HCN1: variants seen among roughly 807,000 people sequenced by gnomAD.
HCN1 encodes hyperpolarization activated cyclic nucleotide gated potassium channel 1, also known as potassium/sodium hyperpolarization-activated cyclic nucleotide-gated channel 1.
In HCN1, 13 loss-of-function variants were observed where a neutral mutation model predicts 78.9. The ratio of observed to expected loss-of-function variants is 0.16; its 90% CI spans 0.11 to 0.26. The LOEUF is 0.26. HCN1 is among the 10% of genes least tolerant of loss of function. The pLI is 1.00. For missense variants in HCN1, 810 were observed against 1,154.3 expected (o/e 0.70, Z 4.32); for synonymous variants, 552 against 455.5 (o/e 1.21, Z -2.70).
At chr5:45,617,420 C>T (rs993749298) in intron 2 of HCN1, 3 of 152,110 alleles carry the variant, frequency 2.0e-5, no homozygotes, top group African/African-American at 7.2e-5. Flanking sequence ...GTTCCACTGT[C>T]TTCCACGAGT....
At chr5:45,364,564 C>T (rs913969070) in intron 4 of HCN1, among the ~76,000 whole-genome samples, 10 of 152,064 alleles carry the variant, frequency 6.6e-5, no homozygotes, top group African/African-American at 2.4e-4. Flanking sequence ...CTTCCTTTTT[C>T]CTGCATGTCT....
intron 2 of HCN1, among the ~76,000 whole-genome samples, chr5:45,607,604 TAGATC>T (rs1399638865): frequency 6.7e-6 from 1 of 149,108 alleles, no homozygotes; most frequent in Non-Finnish European, 1.5e-5. Context: ...TATCTATAGA[TAGATC>T]CAGATATATC....
chr5:45,545,326 C>A (rs1322076333), intron 2 of HCN1, among the ~76,000 whole-genome samples: 3 of 152,000 alleles, frequency 2.0e-5, no homozygotes, highest in African/African-American at 4.8e-5. Context: ...TGTTTAAGTT[C>A]TTTGTAGATT....
At chr5:45,529,667 CT>C (rs1742801116) in intron 2 of HCN1, among the ~76,000 whole-genome samples, 1 of 151,860 alleles carries the variant, frequency 6.6e-6, no homozygotes, top group South Asian at 2.1e-4. Flanking sequence ...AAAGTACCCA[CT>C]TGAATTTAAA....
intron 6 of HCN1, among the ~76,000 whole-genome samples, chr5:45,297,095 C>T (rs2111894371): frequency 6.6e-6 from 1 of 152,078 alleles, no homozygotes; most frequent in Middle Eastern, 3.4e-3. Flanking sequence ...GATTTACCCA[C>T]ATATTTATTA....
intron 5 of HCN1, among the ~76,000 whole-genome samples, chr5:45,348,359 G>A (rs2111975709): frequency 6.6e-6 from 1 of 152,202 alleles, no homozygotes; most frequent in Non-Finnish European, 1.5e-5. Flanking sequence ...AAGAGCTCCT[G>A]AAGGAAGCAC....
chr5:45,340,082 C>T (rs555894256), intron 5 of HCN1, among the ~76,000 whole-genome samples: 5 of 152,120 alleles, frequency 3.3e-5, no homozygotes, highest in African/African-American at 7.2e-5. Context: ...CCACTCCCAG[C>T]TAATTTTTTT....
intron 1 of HCN1, among the ~76,000 whole-genome samples, chr5:45,667,128 C>A (rs974694774): frequency 2.0e-5 from 3 of 151,938 alleles, no homozygotes; most frequent in African/African-American, 7.2e-5. Context: ...ACTGGTCCTA[C>A]AAACCTCACC....
chr5:45,431,823 T>G (rs1740469550), intron 3 of HCN1, among the ~76,000 whole-genome samples: 1 of 152,160 alleles, frequency 6.6e-6, no homozygotes, highest in African/African-American at 2.4e-5. Context: ...ACCATACTGT[T>G]TTGGTTACTG....
rs146350054 is a variant in HCN1 at position 45,482,145 on chromosome 5, C to T, written c.850-20138G>A. On this transcript the variant is annotated intron_variant, in intron 2 of 7. Transcript: ENST00000303230. ...TCCACTATTATAAAAAACCTGGAAA[C>T]GATTAAACCAGAAAGAAGACAAAGG... 9.2e-5 allele frequency among the ~76,000 whole-genome samples: 14 copies of T among 152,130 alleles called. No homozygotes were observed. The South Asian group carries it at 1.9e-3, about 20-fold the overall frequency.
intron 2 of HCN1, among the ~76,000 whole-genome samples, chr5:45,502,663 A>G (rs1275828570): frequency 1.3e-5 from 2 of 152,200 alleles, no homozygotes; most frequent in African/African-American, 2.4e-5. Flanking sequence ...GCTACCTAAT[A>G]AAAATATTTG....
At chr5:45,444,447 T>C (rs2111576862) in intron 3 of HCN1, among the ~76,000 whole-genome samples, 1 of 152,254 alleles carries the variant, frequency 6.6e-6, no homozygotes, top group South Asian at 2.1e-4. Context: ...AATATTATTG[T>C]TTAGAATCTT....
chr5:45,597,586 A>G (rs979138665), intron 2 of HCN1, among the ~76,000 whole-genome samples: 3 of 152,158 alleles, frequency 2.0e-5, no homozygotes, highest in African/African-American at 7.2e-5. Flanking sequence ...AGGCAAGAGA[A>G]GGAAAGAAAG....
intron 1 of HCN1, among the ~76,000 whole-genome samples, chr5:45,655,190 C>T (rs1580022819): frequency 6.6e-6 from 1 of 151,926 alleles, no homozygotes; most frequent in Admixed American, 6.6e-5. Flanking sequence ...ATTTGTCTTA[C>T]TGAATATTAA....
At chr5:45,472,532 A>AAGGGAGGG (rs1176444660) in intron 2 of HCN1, among the ~76,000 whole-genome samples, 1 of 137,228 alleles carries the variant, frequency 7.3e-6, no homozygotes, top group Non-Finnish European at 1.6e-5. Context: ...GGGAAGGAGG[A>AAGGGAGGG]AGGGAGGGAG....
chr5:45,268,081 G>A (rs1402229251), intron 6 of HCN1, among the ~76,000 whole-genome samples: 1 of 152,194 alleles, frequency 6.6e-6, no homozygotes, highest in Non-Finnish European at 1.5e-5. Context: ...AGCTAGACCA[G>A]AGGTTTAGAT....
At chr5:45,439,424 A>G (rs1579895532) in intron 3 of HCN1, among the ~76,000 whole-genome samples, 1 of 152,298 alleles carries the variant, frequency 6.6e-6, no homozygotes, top group South Asian at 2.1e-4. Context: ...CCTTCAAATT[A>G]AATGTATAGA....
At chr5:45,493,997 T>A (rs1741961507) in intron 2 of HCN1, among the ~76,000 whole-genome samples, 1 of 152,230 alleles carries the variant, frequency 6.6e-6, no homozygotes, top group Admixed American at 6.5e-5. Context: ...ATCCAGTCTA[T>A]CATTGTTGGA....
In HCN1 at chr5:45,284,453, A is replaced by G. The variant is rs1745229362; in HGVS notation, c.1619-17200T>C. Among the ~76,000 whole-genome samples, 5 of 152,178 alleles carry G rather than the reference A, an allele frequency of 3.3e-5. No individual in the cohort carries two copies. The South Asian group carries it at 1.0e-3, about 31-fold the overall frequency. On this transcript the variant is annotated intron_variant, in intron 6 of 7. Coordinates refer to ENST00000303230, the MANE Select transcript of HCN1 (RefSeq NM_021072.4). ...AAATAAGAGGAAATAAAACAAAAATATATTTAGTTAATAGCTAAGTAGGAG... is the reference window on the plus strand; with the variant it reads ...AAATAAGAGGAAATAAAACAAAAATGTATTTAGTTAATAGCTAAGTAGGAG...
Sources: gnomAD v4.1 joint callset for allele counts (sites outside exome capture counted in the v4.1 genomes callset) on GRCh38, gnomAD v4.1.1 for gene constraint, MANE v1.5 for transcripts, NCBI Gene and HGNC (gene_info 2026-07-23, HGNC 2026-07-21) for gene names.